The following KIAA1549L variants were observed in gnomAD, a reference collection of about 807,000 sequenced individuals.
The protein encoded by KIAA1549L is UPF0606 protein KIAA1549L.
KIAA1549L carries 88 observed loss-of-function variants against 160.7 expected under a neutral mutation model. The observed-to-expected ratio is 0.55, with a 90% CI of 0.46 to 0.65. The LOEUF is 0.65. Among genes scored for constraint, KIAA1549L ranks in the 30% least tolerant of loss-of-function variants. The pLI, the probability that KIAA1549L is intolerant of heterozygous loss-of-function variation, is 0.00. For synonymous variants in KIAA1549L, 950 were observed against 976.7 expected (o/e 0.97, Z 0.51); for missense variants, 2,258 against 2,437.5 (o/e 0.93, Z 1.55).
At chr11:33,409,611 C>G (rs1254649150) in intron 1 of KIAA1549L, among the ~76,000 whole-genome samples, 1 of 152,152 alleles carries the variant, frequency 6.6e-6, no homozygotes, top group Non-Finnish European at 1.5e-5. Context: ...AAATCAAGGT[C>G]ATTCTGCTTA....
chr11:33,405,902 C>T (rs1297327185), intron 1 of KIAA1549L, among the ~76,000 whole-genome samples: 1 of 148,904 alleles, frequency 6.7e-6, no homozygotes, highest in Non-Finnish European at 1.5e-5. Flanking sequence ...ATCCATGTTC[C>T]AGGTCTTGTT....
intron 9 of KIAA1549L, among the ~76,000 whole-genome samples, chr11:33,569,682 C>T (rs191700918): frequency 1.9e-4 from 29 of 152,248 alleles, no homozygotes; most frequent in Admixed American, 1.8e-3. Context: ...TGAATTTGGC[C>T]GTTTGTCCTA....
At chr11:33,482,210 CA>C (rs1164839516) in intron 1 of KIAA1549L, among the ~76,000 whole-genome samples, 1 of 152,088 alleles carries the variant, frequency 6.6e-6, no homozygotes, top group Admixed American at 6.5e-5. Context: ...CAATTTTGAG[CA>C]AGTCATTCTC....
At chr11:33,628,845 T>C (rs1346822179) in intron 16 of KIAA1549L, among the ~76,000 whole-genome samples, 1 of 152,124 alleles carries the variant, frequency 6.6e-6, no homozygotes, top group Non-Finnish European at 1.5e-5. Context: ...TAGTTGGTTA[T>C]TTTGCTTGTT....
At chr11:33,632,977 G>C (rs555266095) in intron 16 of KIAA1549L, among the ~76,000 whole-genome samples, 2 of 144,544 alleles carry the variant, frequency 1.4e-5, no homozygotes, top group Admixed American at 6.7e-5. Flanking sequence ...GTTTTTTGTC[G>C]TTGTTGTTTG....
At chr11:33,660,799 T>G (rs1590459484) in intron 19 of KIAA1549L, 64 bp from the exon 20 acceptor site, 2 of 1,539,042 alleles carry the variant, frequency 1.3e-6, no homozygotes, top group African/African-American at 2.7e-5. Flanking sequence ...TATTTGGCTC[T>G]TGGGTGGCTG....
rs139243419 is a variant in KIAA1549L, at chr11:33,563,798, G to A, written c.4078+2063G>A. Among the ~76,000 whole-genome samples, 339 of 152,012 alleles carry A rather than the reference G, an allele frequency of 2.2e-3. 1 individual carries two copies. Among genetic ancestry groups the A allele is most frequent in the Non-Finnish European group, 4.2e-3 (288 of 67,932 alleles). ...TCATGTTTTCTTTACAAGGAATGGT[G>A]TTTTTTTTAACATGGAGATATTCCT... On this transcript the variant is annotated intron_variant, in intron 8 of 20. Coordinates refer to ENST00000658780, the MANE Select transcript of KIAA1549L (RefSeq NM_012194.3).
intron 1 of KIAA1549L, among the ~76,000 whole-genome samples, chr11:33,465,522 T>G (rs1264670420): frequency 6.6e-6 from 1 of 152,196 alleles, no homozygotes. Flanking sequence ...CTGTCTCCTC[T>G]CTTGGCCTTA....
intron 1 of KIAA1549L, among the ~76,000 whole-genome samples, chr11:33,472,372 C>T (rs998773449): frequency 3.4e-5 from 5 of 146,922 alleles, no homozygotes; most frequent in Admixed American, 1.4e-4. Context: ...CCTCCCATTT[C>T]GGCCTCCCAA....
Position 33,473,766 on chromosome 11 carries a change from C to T in KIAA1549L, c.239-68036C>T, listed in dbSNP as rs141526218. ...ATTTTATATCCTTTATCTAGAATAA[C>T]CTTTCCTATCTTCTCCACTGGTCAA... On this transcript the variant is annotated intron_variant, in intron 1 of 20. Coordinates refer to ENST00000658780, the MANE Select transcript of KIAA1549L (RefSeq NM_012194.3). Among the ~76,000 whole-genome samples the T allele has an allele frequency of 5.9e-5, 9 of 152,266 alleles. 1 individual carries two copies. Among genetic ancestry groups the T allele is most frequent in the South Asian group, 2.1e-4 (1 of 4,822 alleles).
intron 15 of KIAA1549L, among the ~76,000 whole-genome samples, chr11:33,617,261 A>T (rs1298765964): frequency 6.6e-6 from 1 of 152,154 alleles, no homozygotes; most frequent in Non-Finnish European, 1.5e-5. Flanking sequence ...ACCTTGCAGG[A>T]TCGTGTGGAA....
chr11:33,480,252 C>T (rs56306742), intron 1 of KIAA1549L, among the ~76,000 whole-genome samples: 2,890 of 152,240 alleles, frequency 0.019, 77 homozygotes, highest in African/African-American at 0.062. Flanking sequence ...TCTCTCAGCC[C>T]CAGGCAACCG....
rs1194353287 is a variant in KIAA1549L, at chr11:33,614,529, A to AGGCTATATAT, written c.5280-4004_5280-4003insGGCTATATAT. Among the ~76,000 whole-genome samples the AGGCTATATAT allele has an allele frequency of 4.1e-4, 16 of 39,170 alleles. 3 individuals carry two copies. Among genetic ancestry groups the AGGCTATATAT allele is most frequent in the Admixed American group, 1.1e-3 (2 of 1,858 alleles). The allele number at this position is 39,170 out of a possible 152,430, so 25.7% of individuals were successfully genotyped here. On this transcript the variant is annotated intron_variant, in intron 15 of 20. Transcript: ENST00000658780. ...TCCTCTTGGGATCTGTGAGTGTAAC[A>AGGCTATATAT]AGATATATATATATATATATATATA...
At chr11:33,435,766 A>G (rs1590242355) in intron 1 of KIAA1549L, among the ~76,000 whole-genome samples, 2 of 5,914 alleles carry the variant, frequency 3.4e-4, no homozygotes, top group African/African-American at 9.5e-4. Flanking sequence ...TAAGATATAT[A>G]TATATATATA....
At chr11:33,425,388 G>A (rs1851095718) in intron 1 of KIAA1549L, among the ~76,000 whole-genome samples, 1 of 152,156 alleles carries the variant, frequency 6.6e-6, no homozygotes, top group African/African-American at 2.4e-5. Flanking sequence ...ATGTTCCTGT[G>A]TCACTGTGAT....
intron 5 of KIAA1549L, among the ~76,000 whole-genome samples, chr11:33,551,520 G>GTAC (rs1854461849): frequency 6.6e-6 from 1 of 151,364 alleles, no homozygotes. Flanking sequence ...TGAGCTCCAG[G>GTAC]TACTATATTT....
intron 1 of KIAA1549L, among the ~76,000 whole-genome samples, chr11:33,525,811 G>A (rs1342314450): frequency 2.0e-5 from 3 of 152,086 alleles, no homozygotes; most frequent in African/African-American, 4.8e-5. Flanking sequence ...TTTGCTGGCT[G>A]TGTGGGAGCT....
intron 1 of KIAA1549L, among the ~76,000 whole-genome samples, chr11:33,411,614 A>C (rs908469776): frequency 1.3e-5 from 2 of 152,200 alleles, no homozygotes; most frequent in African/African-American, 2.4e-5. Context: ...TGTTTTGCTG[A>C]TTTGTGAAAT....
At chr11:33,616,369 G>A (rs1213981968) in intron 15 of KIAA1549L, among the ~76,000 whole-genome samples, 2 of 152,128 alleles carry the variant, frequency 1.3e-5, no homozygotes, top group Non-Finnish European at 2.9e-5. Flanking sequence ...CTGAGACTCA[G>A]TCCCACCAGA....
Sources: allele counts gnomAD v4.1 joint callset (sites outside exome capture counted in the v4.1 genomes callset), GRCh38; gene constraint gnomAD v4.1.1; transcripts MANE v1.5; gene names NCBI Gene and HGNC (gene_info 2026-07-23, HGNC 2026-07-21).